MECOM: variants seen among roughly 807,000 people sequenced by gnomAD.
MECOM encodes MDS1 and EVI1 complex locus, also known as histone-lysine N-methyltransferase MECOM.
In MECOM, 13 loss-of-function variants were observed where a neutral mutation model predicts 116.3. The observed-to-expected ratio is 0.11, with a 90% CI of 0.07 to 0.18. The LOEUF is 0.18. MECOM is among the 10% of genes least tolerant of loss of function. The pLI is 1.00. For missense variants in MECOM, 1,299 were observed against 1,509.0 expected, an observed-to-expected ratio of 0.86 and a Z score of 2.31; for synonymous variants, 528 against 535.2, an observed-to-expected ratio of 0.99 and a Z score of 0.19.
intron 1 of MECOM, among the ~76,000 whole-genome samples, chr3:169,402,522 G>A (rs1736062025): frequency 6.6e-6 from 1 of 152,146 alleles, no homozygotes; most frequent in Admixed American, 6.5e-5. Flanking sequence ...TGGGCATGAT[G>A]GCGCATGCCT....
At chr3:169,571,394 A>G (rs1263193731) in intron 1 of MECOM, among the ~76,000 whole-genome samples, 2 of 152,228 alleles carry the variant, frequency 1.3e-5, no homozygotes, top group Non-Finnish European at 2.9e-5. Context: ...AAGAATTACT[A>G]TCATGAAAAT....
chr3:169,379,851 C>A (rs140568034), intron 2 of MECOM, among the ~76,000 whole-genome samples: 2 of 152,244 alleles, frequency 1.3e-5, no homozygotes, highest in Non-Finnish European at 2.9e-5. Context: ...TGGTTTAAAA[C>A]GTATTCAACT....
intron 10 of MECOM, among the ~76,000 whole-genome samples, chr3:169,107,502 T>C (rs1311254515): frequency 6.6e-6 from 1 of 151,930 alleles, no homozygotes; most frequent in Non-Finnish European, 1.5e-5. Context: ...TGAATTCCCA[T>C]GTCAGCCTGT....
At chr3:169,454,816 C>A (rs1195379580) in intron 1 of MECOM, among the ~76,000 whole-genome samples, 1 of 152,092 alleles carries the variant, frequency 6.6e-6, no homozygotes, top group South Asian at 2.1e-4. Context: ...TGGCAAAAAA[C>A]TCAAATAATA....
intron 2 of MECOM, among the ~76,000 whole-genome samples, chr3:169,220,771 G>A (rs1752039392): frequency 6.6e-6 from 1 of 152,136 alleles, no homozygotes; most frequent in African/African-American, 2.4e-5. Flanking sequence ...CACCGTGCCT[G>A]CCAATAAGCT....
chr3:169,211,259 G>A (rs1384276646), intron 2 of MECOM, among the ~76,000 whole-genome samples: 2 of 152,044 alleles, frequency 1.3e-5, no homozygotes, highest in Non-Finnish European at 2.9e-5. Context: ...TACTCTCATG[G>A]GGCTTGAGAA....
intron 1 of MECOM, among the ~76,000 whole-genome samples, chr3:169,400,123 C>T (rs1010584210): frequency 1.3e-5 from 2 of 152,116 alleles, no homozygotes; most frequent in South Asian, 2.1e-4. Context: ...AGTGAAATGG[C>T]CTGTCAATTT....
At chr3:169,642,366 A>C (rs2110036758) in intron 1 of MECOM, among the ~76,000 whole-genome samples, 1 of 152,026 alleles carries the variant, frequency 6.6e-6, no homozygotes, top group East Asian at 1.9e-4. Flanking sequence ...GTAACTGATA[A>C]AACATTAAGA....
chr3:169,452,223 T>G (rs1012505422), intron 1 of MECOM, among the ~76,000 whole-genome samples: 3 of 152,036 alleles, frequency 2.0e-5, no homozygotes, highest in Admixed American at 2.0e-4. Flanking sequence ...AGCTGATTTC[T>G]TTGAAAGGCC....
intron 1 of MECOM, among the ~76,000 whole-genome samples, chr3:169,496,318 C>G (rs544549540): frequency 1.3e-5 from 2 of 152,200 alleles, no homozygotes; most frequent in African/African-American, 4.8e-5. Flanking sequence ...TAGAACCAAA[C>G]GTGCATATGG....
chr3:169,410,596 C>G (rs565958235), intron 1 of MECOM, among the ~76,000 whole-genome samples: 4 of 152,082 alleles, frequency 2.6e-5, no homozygotes, highest in Non-Finnish European at 4.4e-5. Context: ...AGAAGAAAAG[C>G]GCTAGACAAA....
At chr3:169,138,677 G>T (rs1370715588) in intron 3 of MECOM, among the ~76,000 whole-genome samples, 2 of 152,042 alleles carry the variant, frequency 1.3e-5, no homozygotes, top group Non-Finnish European at 2.9e-5. Flanking sequence ...TACAAAATGT[G>T]GACAGATACC....
At chr3:169,396,399 G>A (rs1028106065) in intron 1 of MECOM, among the ~76,000 whole-genome samples, 1 of 152,072 alleles carries the variant, frequency 6.6e-6, no homozygotes, top group Admixed American at 6.6e-5. Context: ...ATTTCCAATT[G>A]GGATGTGCTG....
chr3:169,291,652 T>C (rs1032463853), intron 2 of MECOM, among the ~76,000 whole-genome samples: 1 of 152,200 alleles, frequency 6.6e-6, no homozygotes, highest in African/African-American at 2.4e-5. Context: ...TTGGATATAG[T>C]CATTGTTATA....
chr3:169,524,838 G>T (rs900225048), intron 1 of MECOM, among the ~76,000 whole-genome samples: 2 of 152,034 alleles, frequency 1.3e-5, no homozygotes, highest in Non-Finnish European at 2.9e-5. Flanking sequence ...TACTGTCAGA[G>T]AATTAAAAAA....
intron 1 of MECOM, among the ~76,000 whole-genome samples, chr3:169,553,831 C>T (rs1189047709): frequency 6.6e-6 from 1 of 152,170 alleles, no homozygotes; most frequent in Non-Finnish European, 1.5e-5. Context: ...ATTGTCTTTT[C>T]TTATAAGGAC....
intron 12 of MECOM, among the ~76,000 whole-genome samples, chr3:169,100,605 ATGGCTAGCATTTCTTAAGTACT>A (rs1723259173): frequency 6.6e-6 from 1 of 152,144 alleles, no homozygotes; most frequent in African/African-American, 2.4e-5. Flanking sequence ...AATATTTAAA[ATGGCTAGCATTTCTTAAGTACT>A]TATTCTGTCC....
At chr3:169,234,679 C>T (rs1272434956) in intron 2 of MECOM, among the ~76,000 whole-genome samples, 1 of 152,128 alleles carries the variant, frequency 6.6e-6, no homozygotes, top group Non-Finnish European at 1.5e-5. Context: ...GCCCAGCTTC[C>T]ACTTCTCTTT....
intron 2 of MECOM, among the ~76,000 whole-genome samples, chr3:169,358,680 A>T (rs527347307): frequency 6.6e-6 from 1 of 151,784 alleles, no homozygotes; most frequent in African/African-American, 2.4e-5. Flanking sequence ...CCTCCTAGGG[A>T]GGAAGAATTT....
Sources: gnomAD v4.1 joint callset for allele counts (sites outside exome capture counted in the v4.1 genomes callset) on GRCh38, gnomAD v4.1.1 for gene constraint, MANE v1.5 for transcripts, NCBI Gene and HGNC (gene_info 2026-07-23, HGNC 2026-07-21) for gene names.